The following NDC1 variants were observed in gnomAD, a reference collection of about 807,000 sequenced individuals.
NDC1 encodes NDC1 transmembrane nucleoporin, also known as nucleoporin NDC1.
A neutral mutation model predicts 89.8 loss-of-function variants in NDC1; 24 were observed. The observed-to-expected ratio is 0.27, with a 90% confidence interval of 0.19 to 0.38. The LOEUF is 0.38. NDC1 is among the 10% of genes least tolerant of loss of function. The probability of loss-of-function intolerance (pLI) is 1.00; values close to 1 mark genes in which losing one functional copy is unlikely to be tolerated. For synonymous variants in NDC1, 296 were observed against 284.8 expected (o/e 1.04, Z -0.39); for missense variants, 728 against 797.6 (o/e 0.91, Z 1.05).
chr1:53,783,664 G>A (rs756367360), intron 16 of NDC1, among the ~76,000 whole-genome samples: 3 of 152,182 alleles, frequency 2.0e-5, no homozygotes, highest in Non-Finnish European at 4.4e-5. Flanking sequence ...TTTAGGTCAG[G>A]AGGACTCCAC....
intron 16 of NDC1, among the ~76,000 whole-genome samples, chr1:53,773,616 G>A (rs1647137512): frequency 6.6e-6 from 1 of 152,126 alleles, no homozygotes; most frequent in South Asian, 2.1e-4. Flanking sequence ...ACAGACGAGC[G>A]GCTTCACAGT....
rs199954056 is a variant in NDC1 at position 53,797,185 on chromosome 1, C to A, written c.1223-41G>T. ...TCCAGTGCTGAAGAGGCAACCTGAT[C>A]CAAGCAGGCTAGCAGCAACGCTTTC... is the stretch of plus-strand genomic sequence containing the variant. On this transcript the variant is annotated intron_variant, in intron 11 of 17. Coordinates refer to ENST00000371429, the MANE Select transcript of NDC1 (RefSeq NM_018087.5). The A allele has an allele frequency of 3.3e-5, 53 of 1,601,452 alleles. No individual in the cohort carries two copies. The East Asian group carries it at 1.2e-3, about 35-fold the overall frequency.
chr1:53,768,044 CAT>C lies in NDC1; in HGVS notation c.1962-13_1962-12del, dbSNP rs750011192. The C allele has an allele frequency of 2.0e-5, 32 of 1,585,176 alleles. No individual in the cohort carries two copies. Among genetic ancestry groups the C allele is most frequent in the Non-Finnish European group, 2.7e-5 (31 of 1,164,398 alleles). ...GATGCTTGCACAGCACTAAATGAAA[CAT>C]AAATTCAAAGCATAAGCTTTATTTT... On this transcript the variant is annotated splice_polypyrimidine_tract_variant and intron_variant, in intron 17 of 17. Coordinates refer to ENST00000371429, the MANE Select transcript of NDC1 (RefSeq NM_018087.5).
chr1:53,810,562 TAAAC>T (rs1273327435), intron 6 of NDC1, among the ~76,000 whole-genome samples: 1 of 151,740 alleles, frequency 6.6e-6, no homozygotes, highest in Non-Finnish European at 1.5e-5. Flanking sequence ...ATAGCCCAAA[TAAAC>T]AACTCTAGAG....
intron 16 of NDC1, among the ~76,000 whole-genome samples, chr1:53,785,116 C>T (rs1647273331): frequency 6.6e-6 from 1 of 152,120 alleles, no homozygotes. Flanking sequence ...TACTAAGCCT[C>T]CCTCATCTAT....
rs1647079647 is a variant in NDC1 at position 53,767,917 on chromosome 1, G to A, written c.*53C>T. 9.2e-7 allele frequency: 1 copy of A among 1,087,318 alleles called. No homozygotes were observed. Among genetic ancestry groups the A allele is most frequent in the Non-Finnish European group, 1.4e-6 (1 of 737,492 alleles). 67.4% of individuals were successfully genotyped at this position (1,087,318 alleles called of 1,614,324 possible). Reference sequence around the variant, plus strand: ...GATCCAAGAATGCTGAACATTTACTGTCCCATCTGTAGTTGTATCAGCAGT... The same window carrying A: ...GATCCAAGAATGCTGAACATTTACTATCCCATCTGTAGTTGTATCAGCAGT... On this transcript the variant is annotated 3_prime_UTR_variant, in exon 18 of 18. Transcript: ENST00000371429.
chr1:53,769,517 T>C (rs1647094772), intron 17 of NDC1, among the ~76,000 whole-genome samples: 1 of 152,178 alleles, frequency 6.6e-6, no homozygotes, highest in African/African-American at 2.4e-5. Context: ...GTTATAAACC[T>C]CAAATATACA....
intron 16 of NDC1, among the ~76,000 whole-genome samples, chr1:53,775,524 G>T (rs1164570020): frequency 1.3e-5 from 2 of 152,138 alleles, no homozygotes; most frequent in Non-Finnish European, 2.9e-5. Flanking sequence ...CTCCCAAAGT[G>T]CTAGGATTAC....
At position 53,785,005 on chromosome 1, in the gene NDC1, A is replaced by C. The variant is rs527641786; in HGVS notation, c.1800+2153T>G. Among the ~76,000 whole-genome samples the C allele has an allele frequency of 1.2e-4, 18 of 151,280 alleles. 1 individual carries two copies. Among genetic ancestry groups the C allele is most frequent in the African/African-American group, 4.4e-4 (18 of 41,286 alleles). On this transcript the variant is annotated intron_variant, in intron 16 of 17. Coordinates refer to ENST00000371429, the MANE Select transcript of NDC1 (RefSeq NM_018087.5). ...GGGATGTGGATCTGTAGCTTTTTCC[A>C]GGGTCTACTGCACTGCTAATGCCCT...
chr1:53,785,420 T>C (rs1470772693), intron 16 of NDC1, among the ~76,000 whole-genome samples: 1 of 152,136 alleles, frequency 6.6e-6, no homozygotes, highest in Non-Finnish European at 1.5e-5. Context: ...AAACTATCCA[T>C]GTAGACACAC....
At chr1:53,787,134 C>A (rs572879190) in intron 16 of NDC1, 24 bp downstream of exon 16, 13 of 1,377,440 alleles carry the variant, frequency 9.4e-6, no homozygotes, top group South Asian at 1.2e-5. Context: ...ACCTCTACCC[C>A]CTCCCAACCC....
At chr1:53,787,097 C>G in intron 16 of NDC1, 61 bp downstream of exon 16, 1 of 810,720 alleles carries the variant, frequency 1.2e-6, no homozygotes. Flanking sequence ...AGGAAACAAA[C>G]AAAGCACTGG....
At position 53,772,718 on chromosome 1, in the gene NDC1, TAACAA is replaced by T. The variant is rs1222868509; in HGVS notation, c.1801-234_1801-230del. 5.0e-3 allele frequency among the ~76,000 whole-genome samples: 612 copies of T among 122,440 alleles called. 2 individuals carry two copies. Among genetic ancestry groups the T allele is most frequent in the African/African-American group, 0.014 (491 of 34,060 alleles). The allele number at this position is 122,440 out of a possible 152,430, so 80.3% of individuals were successfully genotyped here. On this transcript the variant is annotated intron_variant, in intron 16 of 17. Coordinates refer to ENST00000371429, the MANE Select transcript of NDC1 (RefSeq NM_018087.5). Reference sequence around the variant, plus strand: ...TAACATAACATAACATAACATAACATAACAAAACAAAACAAACATAATATAACATA... The same window carrying T: ...TAACATAACATAACATAACATAACATAACAAAACAAACATAATATAACATA...
chr1:53,791,215 C>T (rs528591305), intron 14 of NDC1, among the ~76,000 whole-genome samples: 4 of 152,154 alleles, frequency 2.6e-5, no homozygotes, highest in South Asian at 2.1e-4. Flanking sequence ...GTCAGGAGAT[C>T]GAGACCATCC....
At chr1:53,792,941 A>G (rs1478803099) in intron 14 of NDC1, among the ~76,000 whole-genome samples, 3 of 152,238 alleles carry the variant, frequency 2.0e-5, no homozygotes, top group African/African-American at 7.2e-5. Context: ...TCACTTTGTG[A>G]AGATCCAGAC....
At chr1:53,801,600 C>G (rs1478005320) in intron 10 of NDC1, among the ~76,000 whole-genome samples, 1 of 152,198 alleles carries the variant, frequency 6.6e-6, no homozygotes, top group Admixed American at 6.5e-5. Context: ...ATCATTCCCT[C>G]TTCACTTGGA....
intron 16 of NDC1, among the ~76,000 whole-genome samples, chr1:53,775,321 A>T (rs1283855207): frequency 6.6e-6 from 1 of 151,060 alleles, no homozygotes; most frequent in Non-Finnish European, 1.5e-5. Flanking sequence ...CAGTAGTGTG[A>T]TCTCGGCTCA....
chr1:53,830,012 G>A (rs1199314546), intron 3 of NDC1, among the ~76,000 whole-genome samples: 16 of 151,710 alleles, frequency 1.1e-4, no homozygotes, highest in African/African-American at 2.9e-4. Flanking sequence ...ATAGACGGGC[G>A]AGGTGGCAGG....
intron 5 of NDC1, among the ~76,000 whole-genome samples, chr1:53,820,693 T>C (rs1648639170): frequency 1.4e-5 from 2 of 147,712 alleles, no homozygotes; most frequent in Admixed American, 6.8e-5. Context: ...AAAGATGTAC[T>C]TCTCTCTCTT....
Sources: gnomAD v4.1 joint callset for allele counts (sites outside exome capture counted in the v4.1 genomes callset) on GRCh38, gnomAD v4.1.1 for gene constraint, MANE v1.5 for transcripts, NCBI Gene and HGNC (gene_info 2026-07-23, HGNC 2026-07-21) for gene names.